UMODL1: variants seen among roughly 807,000 people sequenced by gnomAD.
UMODL1 encodes the protein uromodulin like 1, also known as uromodulin-like 1.
A neutral mutation model predicts 136.3 loss-of-function variants in UMODL1; 128 were observed. The ratio of observed to expected loss-of-function variants is 0.94; its 90% confidence interval spans 0.81 to 1.09. The LOEUF is 1.09. UMODL1 is among the 50% of genes least tolerant of loss of function. The pLI is 0.00. For synonymous variants in UMODL1, 721 were observed against 720.0 expected, an observed-to-expected ratio of 1.00 and a Z score of -0.02; for missense variants, 1,766 against 1,725.6, an observed-to-expected ratio of 1.02 and a Z score of -0.41.
chr21:42,078,590 A>G (rs1283712827), intron 2 of UMODL1, among the ~76,000 whole-genome samples: 1 of 21,878 alleles, frequency 4.6e-5, no homozygotes, highest in Non-Finnish European at 9.4e-5. Context: ...ACCAATAGAA[A>G]CCAGGCGGGG....
chr21:42,079,791 G>A (rs543711104), intron 2 of UMODL1, among the ~76,000 whole-genome samples: 33 of 152,372 alleles, frequency 2.2e-4, no homozygotes, highest in African/African-American at 7.7e-4. Context: ...GCAGGCTGGG[G>A]ATGTGGACCG....
At chr21:42,084,801 A>G (rs1241774524) in intron 3 of UMODL1, among the ~76,000 whole-genome samples, 2 of 130,078 alleles carry the variant, frequency 1.5e-5, no homozygotes, top group Non-Finnish European at 3.2e-5. Context: ...ATGCAGTAAT[A>G]AAGCAATAGT....
chr21:42,136,719 C>CT lies in UMODL1; in HGVS notation c.3776-711dup, dbSNP rs1555935130. ...CTTTTAGGGTCCGCACTCTGTTTTT[C>CT]TTTTTTTTTGTTTCTTGTTTTTTTG... is the stretch of plus-strand genomic sequence containing the variant. On this transcript the variant is annotated intron_variant, in intron 21 of 22. Coordinates refer to ENST00000408910, the MANE Select transcript of UMODL1 (RefSeq NM_001004416.3). 2.9e-3 allele frequency among the ~76,000 whole-genome samples: 382 copies of CT among 130,322 alleles called. 1 individual carries two copies. The highest frequency in any genetic ancestry group is 9.3e-3 in the African/African-American group (358 of 38,322). 85.5% of individuals were successfully genotyped at this position (130,322 alleles called of 152,430 possible). A position where few individuals can be genotyped will look rare whatever the true frequency, so the allele number is the denominator to read the frequency against.
chr21:42,139,498 T>C (rs1195508639), intron 22 of UMODL1, among the ~76,000 whole-genome samples: 1 of 152,122 alleles, frequency 6.6e-6, no homozygotes, highest in African/African-American at 2.4e-5. Flanking sequence ...ACCTTTAATA[T>C]GGGGATCACA....
In UMODL1 at chr21:42,075,458, C is replaced by A. The variant is rs186168239; in HGVS notation, c.77-547C>A. ...GTACCTGCTTACTTATCTTCCACCT[C>A]ATTGAAAAGAAAGCCGTCATTGTCA... is the stretch of plus-strand genomic sequence containing the variant. On this transcript the variant is annotated intron_variant, in intron 1 of 22. Coordinates refer to ENST00000408910, the MANE Select transcript of UMODL1 (RefSeq NM_001004416.3). Among the ~76,000 whole-genome samples the A allele has an allele frequency of 4.6e-5, 7 of 152,332 alleles. No individual in the cohort carries two copies. The East Asian group carries it at 7.7e-4, about 17-fold the overall frequency.
rs1030117736 is a variant in UMODL1 at position 42,122,573 on chromosome 21, G to A, written c.2828-258G>A. ...TGTGTGTGTGTCTGCACGTGTGTGC[G>A]TGCGTGTGTGCATGTGTGTGCATGT... On this transcript the variant is annotated intron_variant, in intron 16 of 22. Coordinates refer to ENST00000408910, the MANE Select transcript of UMODL1 (RefSeq NM_001004416.3). This position sits in a 1 kb window ranked among gnomAD's most constrained non-coding sequence, Gnocchi z 4.3. 9.3e-5 allele frequency among the ~76,000 whole-genome samples: 13 copies of A among 139,340 alleles called. No individual in the cohort carries two copies. Among genetic ancestry groups the A allele is most frequent in the African/African-American group, 2.4e-4 (9 of 37,134 alleles). 91.4% of individuals were successfully genotyped at this position (139,340 alleles called of 152,430 possible). A position where few individuals can be genotyped will look rare whatever the true frequency, so the allele number is the denominator to read the frequency against.
chr21:42,066,977 C>CTT (rs34685798), upstream of UMODL1, among the ~76,000 whole-genome samples: 9 of 132,848 alleles, frequency 6.8e-5, no homozygotes, highest in East Asian at 1.1e-3. Context: ...TTTTTTCTTT[C>CTT]TTTTTTTTTT....
chr21:42,081,582 G>A (rs1601184409), intron 2 of UMODL1, among the ~76,000 whole-genome samples: 1 of 152,146 alleles, frequency 6.6e-6, no homozygotes, highest in East Asian at 1.9e-4. Flanking sequence ...TGGTGATTAG[G>A]CAACTATTTT....
intron 1 of UMODL1, among the ~76,000 whole-genome samples, chr21:42,075,240 A>T (rs556110034): frequency 1.1e-5 from 1 of 94,474 alleles, no homozygotes; most frequent in Non-Finnish European, 2.2e-5. Flanking sequence ...TTTGCTGGAG[A>T]TGGGGGGGGG....
At chr21:42,075,884 G>T in intron 1 of UMODL1, 121 bp from the exon 2 acceptor site, 2 of 1,444,852 alleles carry the variant, frequency 1.4e-6, no homozygotes, top group Admixed American at 3.7e-5. Context: ...CTTCTGAGAG[G>T]CCTGCGCGAG....
At chr21:42,119,029 A>G (rs2066934433) in intron 14 of UMODL1, 82 bp from the exon 15 acceptor site, 53 of 1,427,028 alleles carry the variant, frequency 3.7e-5, no homozygotes, top group Non-Finnish European at 5.0e-5. Flanking sequence ...TGCTGGGCAG[A>G]CTGGCAGGAG....
chr21:42,121,834 G>A (rs1210499031), intron 16 of UMODL1, among the ~76,000 whole-genome samples: 2 of 152,170 alleles, frequency 1.3e-5, no homozygotes, highest in Non-Finnish European at 2.9e-5. Flanking sequence ...TGGCCAGGGA[G>A]GGCTTCCTGG....
rs556139480 is a variant in UMODL1, at chr21:42,123,190, C to T, written c.3147+40C>T. On this transcript the variant is annotated intron_variant, in intron 17 of 22. Transcript: ENST00000408910. The surrounding 1 kb of genome is among the most constrained non-coding windows in gnomAD (Gnocchi z 4.4). ...GCCAGGCTCAGGATGTACACTAGGG[C>T]GCAAGGGGCTCTAGGTTACATGGGC... The T allele has an allele frequency of 1.6e-5, 25 of 1,571,556 alleles. No individual in the cohort carries two copies. Among genetic ancestry groups the T allele is most frequent in the Admixed American group, 1.7e-5 (1 of 57,412 alleles).
In UMODL1 at chr21:42,104,127, A is replaced by G. The variant is rs376335444; in HGVS notation, c.1519+40A>G. 8 of 1,570,048 alleles carry G rather than the reference A, an allele frequency of 5.1e-6. No homozygotes were observed. In the African/African-American group the frequency reaches 1.1e-4, roughly 21 times the overall value. ...CCCGCCCTGCTGCCTGGTGTCCTCC[A>G]GCTCAGAAATCCTCTTGGTGACTTT... On this transcript the variant is annotated intron_variant, in intron 9 of 22. Coordinates refer to ENST00000408910, the MANE Select transcript of UMODL1 (RefSeq NM_001004416.3).
At position 42,090,349 on chromosome 21, in the gene UMODL1, T is replaced by A; in HGVS notation, c.842T>A (p.Leu281Gln). The change falls in exon 6 of 23, where the codon CTG becomes CAG. Residue 281 changes from leucine to glutamine, a missense_variant. Leu to Gln is a moderately radical substitution (Grantham distance 113, BLOSUM62 -2). Transcript: ENST00000408910. ...CTCAATGCCTGCTCTGGAAGGGAAC[T>A]GTGCGCAAACCTGGAGGGCTCGTAC... ...EELNACSGRE[L>Q]CANLEGSYWC... 1 of 1,614,194 alleles carries A rather than the reference T, an allele frequency of 6.2e-7. No homozygotes were observed. The highest frequency in any genetic ancestry group is 2.2e-5 in the East Asian group (1 of 44,892).
chr21:42,141,586 G>A (rs945543995), intron 22 of UMODL1, among the ~76,000 whole-genome samples: 8 of 152,316 alleles, frequency 5.3e-5, no homozygotes, highest in Non-Finnish European at 7.3e-5. Flanking sequence ...TAAAACATCC[G>A]AGGGAAAACT....
intron 9 of UMODL1, among the ~76,000 whole-genome samples, chr21:42,105,488 C>T (rs2066702436): frequency 6.6e-6 from 1 of 152,238 alleles, no homozygotes. Flanking sequence ...ATATGTTCAC[C>T]TGGAACTTCA....
chr21:42,103,398 G>T, intron 8 of UMODL1: 1 of 321,478 alleles, frequency 3.1e-6, no homozygotes, highest in Non-Finnish European at 6.2e-6. Flanking sequence ...CCTTGCTTGG[G>T]CATGGGTAGC....
At chr21:42,110,375 G>A (rs1203893935) in intron 10 of UMODL1, among the ~76,000 whole-genome samples, 1 of 152,250 alleles carries the variant, frequency 6.6e-6, no homozygotes, top group Admixed American at 6.5e-5. Flanking sequence ...GAGCAGCCGA[G>A]ACCAGTTCCC....
Sources: gnomAD v4.1 joint callset for allele counts (sites outside exome capture counted in the v4.1 genomes callset) on GRCh38, gnomAD v4.1.1 for gene constraint, Gnocchi (gnomAD v3.1) non-coding constraint, MANE v1.5 for transcripts, NCBI Gene and HGNC (gene_info 2026-07-23, HGNC 2026-07-21) for gene names.